SEMA6B: variants seen among roughly 807,000 people sequenced by gnomAD.
The protein encoded by SEMA6B is semaphorin 6B, also known as semaphorin-6B.
SEMA6B carries 47 observed loss-of-function variants against 78.6 expected under a neutral mutation model. The ratio of observed to expected loss-of-function variants is 0.60; its 90% CI spans 0.47 to 0.76. The LOEUF (loss-of-function observed/expected upper bound fraction) is 0.76. SEMA6B is among the 30% of genes least tolerant of loss of function. The pLI, the probability that SEMA6B is intolerant of heterozygous loss-of-function variation, is 0.00. For missense variants in SEMA6B, 1,213 were observed against 1,269.9 expected, an observed-to-expected ratio of 0.96 and a Z score of 0.68; for synonymous variants, 632 against 592.2, an observed-to-expected ratio of 1.07 and a Z score of -0.98.
rs1977107773 is a variant in SEMA6B, at chr19:4,544,340, C to T, written c.1928G>A (p.Gly643Glu). Reference protein sequence around the residue: ...RKDKEAILAHGAGEAVLSVSR... With the variant: ...RKDKEAILAHEAGEAVLSVSR... ...GACGCTCAGCACCGCCTCGCCCGCCCCGTGCGCCAGGATGGCCTCCTTGTC... is the reference window on the plus strand; with the variant it reads ...GACGCTCAGCACCGCCTCGCCCGCCTCGTGCGCCAGGATGGCCTCCTTGTC... Residue 643 changes from glycine to glutamate, a missense_variant, in exon 17 of 17, where the codon GGG becomes GAG. Transcript: ENST00000586582. This position sits in a 1 kb window ranked among gnomAD's most constrained non-coding sequence, Gnocchi z 5.1. 1.3e-6 allele frequency: 2 copies of T among 1,537,590 alleles called. No homozygotes were observed. The highest frequency in any genetic ancestry group is 1.7e-6 in the Non-Finnish European group (2 of 1,146,658).
In SEMA6B at chr19:4,555,501, T is replaced by TG; in HGVS notation, c.534dup (p.Lys179GlnfsTer10). 1 of 1,613,194 alleles carries TG rather than the reference T, an allele frequency of 6.2e-7. No homozygotes were observed. Among genetic ancestry groups the TG allele is most frequent in the Non-Finnish European group, 8.5e-7 (1 of 1,179,688 alleles). ...GAGAAGAGGGCAACATTGGCGTGCTTGGGGTCGTACGGGCAGCGGGCCATA... is the reference window on the plus strand; with the variant it reads ...GAGAAGAGGGCAACATTGGCGTGCTTGGGGGTCGTACGGGCAGCGGGCCATA... On this transcript the variant is annotated frameshift_variant, in exon 7 of 17. Transcript: ENST00000586582. LOFTEE classifies it high-confidence loss of function. The surrounding 1 kb of genome is among the most constrained non-coding windows in gnomAD (Gnocchi z 6.1).
Position 4,546,465 on chromosome 19 carries a change from A to C in SEMA6B, c.1606T>G (p.Cys536Gly). The change falls in exon 15 of 17, where the codon TGT (cysteine) becomes GGT (glycine). Residue 536 changes from cysteine to glycine, a missense_variant. Coordinates refer to ENST00000586582, the MANE Select transcript of SEMA6B (RefSeq NM_032108.4). ...CQQYSGCMKN[C>G]IGSQDPYCGW... ...CAGTAGGGGTCCTGACTGCCGATAC[A>C]GTTCCTAGAGCAGACCAGGGACCGA... is the stretch of plus-strand genomic sequence containing the variant. 6.4e-7 allele frequency: 1 copy of C among 1,561,644 alleles called. No individual in the cohort carries two copies. Among genetic ancestry groups the C allele is most frequent in the Non-Finnish European group, 8.7e-7 (1 of 1,152,314 alleles).
At chr19:4,553,374 GGT>G in intron 9 of SEMA6B, among the ~76,000 whole-genome samples, 1 of 144,442 alleles carries the variant, frequency 6.9e-6, no homozygotes, top group South Asian at 2.3e-4. Flanking sequence ...TGGTTGGATG[GGT>G]GAGTGGATGG....
intron 14 of SEMA6B, among the ~76,000 whole-genome samples, chr19:4,547,747 C>T (rs1228408650): frequency 6.6e-6 from 1 of 151,996 alleles, no homozygotes; most frequent in African/African-American, 2.4e-5. Flanking sequence ...CCGAGGCTCA[C>T]AAAGCTCTGC....
At chr19:4,548,797 A>T (rs561268475) in intron 12 of SEMA6B, among the ~76,000 whole-genome samples, 33 of 152,248 alleles carry the variant, frequency 2.2e-4, no homozygotes, top group African/African-American at 6.3e-4. Context: ...CCTCCTGAGT[A>T]GCAGGGACTA....
intron 14 of SEMA6B, among the ~76,000 whole-genome samples, chr19:4,546,710 C>T (rs1039949146): frequency 6.0e-5 from 9 of 151,244 alleles, no homozygotes; most frequent in African/African-American, 1.7e-4. Flanking sequence ...CTGCAACCTC[C>T]GCCTCCCGGG....
chr19:4,543,988 C>A lies in SEMA6B; in HGVS notation c.2280G>T (p.Glu760Asp). 8.3e-7 allele frequency: 1 copy of A among 1,205,270 alleles called. No homozygotes were observed. Among genetic ancestry groups the A allele is most frequent in the Non-Finnish European group, 1.0e-6 (1 of 971,452 alleles). The allele number at this position is 1,205,270 out of a possible 1,614,324, so 74.7% of individuals were successfully genotyped here. The change falls in exon 17 of 17, where the codon GAG becomes GAT. Residue 760 changes from glutamate to aspartate, a missense_variant. Coordinates refer to ENST00000586582, the MANE Select transcript of SEMA6B (RefSeq NM_032108.4). ...TCGGCTCCCCAGGCGCGGGGGGCTG[C>A]TCGGGGGCCCGGGCGGGCGCCAGCA... The part of the protein sequence containing the change: ...LLLLAPARAP[E>D]QPPAPGEPTP...
intron 14 of SEMA6B, 41 bp from the exon 15 acceptor site, chr19:4,546,510 C>G (rs1171616266): frequency 2.8e-6 from 4 of 1,449,208 alleles, no homozygotes; most frequent in Non-Finnish European, 3.7e-6. Flanking sequence ...GTGTCCAAGT[C>G]ACTTACACAA....
chr19:4,554,520 A>G, intron 8 of SEMA6B, 44 bp from the exon 9 acceptor site: 2 of 1,501,046 alleles, frequency 1.3e-6, no homozygotes, highest in South Asian at 1.1e-5. Context: ...GACATGACAA[A>G]GGGGGTTTCT....
At chr19:4,545,371 C>T (rs898502232) in intron 16 of SEMA6B, among the ~76,000 whole-genome samples, 2 of 150,948 alleles carry the variant, frequency 1.3e-5, no homozygotes, top group Non-Finnish European at 2.9e-5. Context: ...TGTTCTCACT[C>T]TGTTGCCCAA....
chr19:4,550,350 G>A lies in SEMA6B; in HGVS notation c.1122-78C>T, dbSNP rs907039597. ...GCCTGATTCACCAGAGGTACCCATT[G>A]CTTTGCCCAACGACCCTCAGGTTTT... On this transcript the variant is annotated intron_variant, in intron 11 of 16. Transcript: ENST00000586582. This position sits in a 1 kb window ranked among gnomAD's most constrained non-coding sequence, Gnocchi z 6.6. 6.7e-7 allele frequency: 1 copy of A among 1,495,766 alleles called. No individual in the cohort carries two copies. Among genetic ancestry groups the A allele is most frequent in the Non-Finnish European group, 9.2e-7 (1 of 1,084,882 alleles). The allele number at this position is 1,495,766 out of a possible 1,614,324, so 92.7% of individuals were successfully genotyped here. A position where few individuals can be genotyped will look rare whatever the true frequency, so the allele number is the denominator to read the frequency against.
In SEMA6B at chr19:4,543,197, G is replaced by A; in HGVS notation, c.*404C>T. 3.5e-6 allele frequency: 2 copies of A among 579,520 alleles called. No homozygotes were observed. The highest frequency in any genetic ancestry group is 6.2e-6 in the Non-Finnish European group (2 of 324,834). 35.9% of individuals were successfully genotyped at this position (579,520 alleles called of 1,614,324 possible). On this transcript the variant is annotated 3_prime_UTR_variant, in exon 17 of 17. Transcript: ENST00000586582. ...AGGGACCTTTCCAGGGGTGGGGGAG[G>A]GCTTAGGTCTGCAGCTGTGGCCCCC...
In SEMA6B at chr19:4,543,035, G is replaced by A. The variant is rs1184244699; in HGVS notation, c.*566C>T. On this transcript the variant is annotated 3_prime_UTR_variant, in exon 17 of 17. Transcript: ENST00000586582. ...TCGCTCGTGGACACACACCCTGCACGCGTGGCCCACTTGACACACACGCCC... is the reference window on the plus strand; with the variant it reads ...TCGCTCGTGGACACACACCCTGCACACGTGGCCCACTTGACACACACGCCC... 1.5e-6 allele frequency: 1 copy of A among 674,672 alleles called. No homozygotes were observed. The highest frequency in any genetic ancestry group is 2.7e-6 in the Non-Finnish European group (1 of 368,034). The allele number at this position is 674,672 out of a possible 1,614,324, so 41.8% of individuals were successfully genotyped here.
Position 4,555,164 on chromosome 19 carries a change from A to C in SEMA6B, c.563-69T>G. The stretch of plus-strand genomic sequence containing the variant: ...AGAGGCCAGGGGCTGGGTGGGTCGA[A>C]ACTCGATTTTCTGAGACTGAGTCCT... On this transcript the variant is annotated intron_variant, in intron 7 of 16. Transcript: ENST00000586582. This position sits in a 1 kb window ranked among gnomAD's most constrained non-coding sequence, Gnocchi z 6.1. 1.3e-6 allele frequency: 2 copies of C among 1,552,806 alleles called. No homozygotes were observed. Among genetic ancestry groups the C allele is most frequent in the Non-Finnish European group, 1.8e-6 (2 of 1,134,336 alleles).
Position 4,558,467 on chromosome 19 carries a change from C to G in SEMA6B, c.-10G>C. The G allele has an allele frequency of 8.1e-7, 1 of 1,241,440 alleles. No homozygotes were observed. Among genetic ancestry groups the G allele is most frequent in the Middle Eastern group, 3.1e-4 (1 of 3,224 alleles). The allele number at this position is 1,241,440 out of a possible 1,614,324, so 76.9% of individuals were successfully genotyped here. Reference sequence around the variant, plus strand: ...CTCGCGGGGTCTGCATGGCGAGGGCCAGGCGACAGGAGGAGGTGACGCCTG... The same window carrying G: ...CTCGCGGGGTCTGCATGGCGAGGGCGAGGCGACAGGAGGAGGTGACGCCTG... On this transcript the variant is annotated 5_prime_UTR_variant, in exon 2 of 17. Transcript: ENST00000586582. This position sits in a 1 kb window ranked among gnomAD's most constrained non-coding sequence, Gnocchi z 5.1.
At chr19:4,554,331 C>T in intron 9 of SEMA6B, 57 bp downstream of exon 9, 1 of 1,371,788 alleles carries the variant, frequency 7.3e-7, no homozygotes, top group Admixed American at 1.7e-5. Context: ...CACCTCTGCC[C>T]CCTCACTTCG....
chr19:4,550,268 C>T lies in SEMA6B; in HGVS notation c.1126G>A (p.Gly376Arg), dbSNP rs769299847. ...TGCATCCCGGGGGCTGCGCAGCACC[C>T]GGGCCTGGGGGTGACAAGGGTGTGG... ...PEDQVPRPRPGCCAAPGMQYN... is the reference protein window; with the variant it reads ...PEDQVPRPRPRCCAAPGMQYN... The change falls in exon 12 of 17, where the codon GGG (glycine) becomes AGG (arginine). Residue 376 changes from glycine (G) to arginine (R), a missense_variant. By Grantham distance (125) the Gly-to-Arg change is moderately radical. Transcript: ENST00000586582. The surrounding 1 kb of genome is among the most constrained non-coding windows in gnomAD (Gnocchi z 6.6). The T allele has an allele frequency of 1.2e-5, 19 of 1,612,706 alleles. No individual in the cohort carries two copies. The highest frequency in any genetic ancestry group is 3.3e-5 in the South Asian group (3 of 91,082).
intron 16 of SEMA6B, among the ~76,000 whole-genome samples, chr19:4,545,114 CAGG>C (rs1340406541): frequency 6.6e-6 from 1 of 151,746 alleles, no homozygotes; most frequent in East Asian, 2.0e-4. Context: ...GAGGCTGAGG[CAGG>C]AGATCACCTG....
In SEMA6B at chr19:4,555,472, A is replaced by G; in HGVS notation, c.562+2T>C. ...TCAGATGGAGGTTGGGGGGGTACTT[A>G]CCAGAGAAGAGGGCAACATTGGCGT... On this transcript the variant is annotated splice_donor_variant, in intron 7 of 16. Transcript: ENST00000586582. LOFTEE classifies it high-confidence loss of function. The surrounding 1 kb of genome is among the most constrained non-coding windows in gnomAD (Gnocchi z 6.1). 1 of 1,610,856 alleles carries G rather than the reference A, an allele frequency of 6.2e-7. No individual in the cohort carries two copies. The highest frequency in any genetic ancestry group is 8.5e-7 in the Non-Finnish European group (1 of 1,178,562).
Sources: gnomAD v4.1 joint callset for allele counts (sites outside exome capture counted in the v4.1 genomes callset) on GRCh38, gnomAD v4.1.1 for gene constraint, Gnocchi (gnomAD v3.1) non-coding constraint, MANE v1.5 for transcripts, NCBI Gene and HGNC (gene_info 2026-07-23, HGNC 2026-07-21) for gene names.